Variants in TMEM132D observed in about 807,000 individuals in gnomAD.
The protein encoded by TMEM132D is mature OL transmembrane protein.
In TMEM132D, 21 loss-of-function variants were observed where a neutral mutation model predicts 62.3. The ratio of observed to expected loss-of-function variants is 0.34; its 90% CI spans 0.24 to 0.49. TMEM132D has a LOEUF of 0.49. Among genes scored for constraint, TMEM132D ranks in the 20% least tolerant of loss-of-function variants. The pLI, the probability that TMEM132D is intolerant of heterozygous loss-of-function variation, is 0.99. For missense variants in TMEM132D, 1,346 were observed against 1,402.8 expected (o/e 0.96, Z 0.65); for synonymous variants, 621 against 575.6 (o/e 1.08, Z -1.13).
chr12:129,622,037 C>T (rs1565926245), intron 2 of TMEM132D, among the ~76,000 whole-genome samples: 1 of 152,194 alleles, frequency 6.6e-6, no homozygotes, highest in Non-Finnish European at 1.5e-5. Flanking sequence ...GTTACCCAGT[C>T]TCAGTGAGGC....
intron 4 of TMEM132D, among the ~76,000 whole-genome samples, chr12:129,275,785 A>G (rs111817749): frequency 0.013 from 1,997 of 152,314 alleles, 42 homozygotes; most frequent in African/African-American, 0.046. Flanking sequence ...TGTCCCAGAA[A>G]AAATAAAGAA....
At chr12:129,411,630 C>T (rs890188646) in intron 3 of TMEM132D, among the ~76,000 whole-genome samples, 3 of 152,116 alleles carry the variant, frequency 2.0e-5, no homozygotes, top group Non-Finnish European at 4.4e-5. Context: ...ATTGGGATTA[C>T]AGGTGTAAGC....
intron 5 of TMEM132D, among the ~76,000 whole-genome samples, chr12:129,145,631 G>A (rs1876873810): frequency 6.6e-6 from 1 of 152,002 alleles, no homozygotes; most frequent in Admixed American, 6.6e-5. Flanking sequence ...ATTTCCATCT[G>A]GATGTCCCCA....
intron 4 of TMEM132D, among the ~76,000 whole-genome samples, chr12:129,308,162 C>T (rs1309739628): frequency 6.6e-6 from 1 of 152,138 alleles, no homozygotes; most frequent in Non-Finnish European, 1.5e-5. Context: ...TCCTCTTTAC[C>T]TAATCTTTAA....
chr12:129,300,537 G>A (rs577303905), intron 4 of TMEM132D, among the ~76,000 whole-genome samples: 14 of 152,274 alleles, frequency 9.2e-5, no homozygotes, highest in South Asian at 2.1e-4. Flanking sequence ...ACTATTTTTC[G>A]TTTTGGGAGG....
chr12:129,390,555 A>G (rs1871263668), intron 3 of TMEM132D, among the ~76,000 whole-genome samples: 1 of 152,148 alleles, frequency 6.6e-6, no homozygotes, highest in South Asian at 2.1e-4. Context: ...ATAAAGAAGA[A>G]CTGAGTGCTT....
chr12:129,590,124 T>C (rs1214926269), intron 2 of TMEM132D, among the ~76,000 whole-genome samples: 2 of 152,030 alleles, frequency 1.3e-5, no homozygotes, highest in Admixed American at 1.3e-4. Context: ...ATATTTTGAA[T>C]TTTTTTCATT....
rs142656165 is a variant in TMEM132D, at chr12:129,875,596, C to T, written c.79+27665G>A. Among the ~76,000 whole-genome samples the T allele has an allele frequency of 3.1e-3, 468 of 152,244 alleles. 2 individuals are homozygous for T. The highest frequency in any genetic ancestry group is 0.011 in the African/African-American group (450 of 41,568). ...GGGAGACACACGGACATCCAGCAGG[C>T]ATGGCGGGGAAGAGAGGCGTGGCCT... On this transcript the variant is annotated intron_variant, in intron 1 of 8. Transcript: ENST00000422113.
chr12:129,096,653 C>A (rs1565962797), intron 5 of TMEM132D, among the ~76,000 whole-genome samples: 1 of 152,168 alleles, frequency 6.6e-6, no homozygotes, highest in African/African-American at 2.4e-5. Context: ...AGTGACAGTG[C>A]TTTCTGGAAG....
At position 129,618,816 on chromosome 12, in the gene TMEM132D, G is replaced by C. The variant is rs575530474; in HGVS notation, c.968+80994C>G. 2.4e-4 allele frequency among the ~76,000 whole-genome samples: 36 copies of C among 152,214 alleles called. 1 individual carries two copies. The highest frequency in any genetic ancestry group is 8.4e-4 in the African/African-American group (35 of 41,502). ...CAGGAGGTCCTGACATGTGCCCAAG[G>C]CGGTTGGGTACAGCTTGCTTTTATA... On this transcript the variant is annotated intron_variant, in intron 2 of 8. Coordinates refer to ENST00000422113, the MANE Select transcript of TMEM132D (RefSeq NM_133448.3).
intron 1 of TMEM132D, among the ~76,000 whole-genome samples, chr12:129,729,581 G>C (rs4237839): frequency 1 from 152,225 of 152,250 alleles, 76,100 homozygotes; most frequent in Non-Finnish European, 1. Context: ...CTCTGAGTCT[G>C]CGACATCTGC....
chr12:129,726,265 G>A (rs1358855074), intron 1 of TMEM132D, among the ~76,000 whole-genome samples: 1 of 152,130 alleles, frequency 6.6e-6, no homozygotes, highest in Non-Finnish European at 1.5e-5. Flanking sequence ...GGCCCCAGGA[G>A]TCCTTCCAAT....
At chr12:129,242,902 T>A (rs1473913383) in intron 4 of TMEM132D, among the ~76,000 whole-genome samples, 1 of 89,874 alleles carries the variant, frequency 1.1e-5, no homozygotes, top group Non-Finnish European at 2.7e-5. Context: ...AACAACAGGC[T>A]TGAGGACGGT....
Position 129,750,719 on chromosome 12 carries a change from C to T in TMEM132D, c.80-50021G>A, listed in dbSNP as rs116389876. ...GGAAAGCTGGGAAGGGGTTGGTCAG[C>T]GGGTACAAAGGTATAGTACTAGAGG... On this transcript the variant is annotated intron_variant, in intron 1 of 8. Coordinates refer to ENST00000422113, the MANE Select transcript of TMEM132D (RefSeq NM_133448.3). 1.7e-3 allele frequency among the ~76,000 whole-genome samples: 254 copies of T among 152,100 alleles called. 1 individual carries two copies. Among genetic ancestry groups the T allele is most frequent in the African/African-American group, 5.2e-3 (215 of 41,468 alleles).
intron 2 of TMEM132D, among the ~76,000 whole-genome samples, chr12:129,582,036 G>A (rs886097467): frequency 6.6e-6 from 1 of 152,190 alleles, no homozygotes; most frequent in Non-Finnish European, 1.5e-5. Context: ...GTACAGACGG[G>A]AGGGTCAGTA....
intron 5 of TMEM132D, among the ~76,000 whole-genome samples, chr12:129,108,766 GATTA>G (rs917669507): frequency 5.3e-5 from 8 of 152,288 alleles, no homozygotes; most frequent in East Asian, 1.9e-4. Context: ...TCAATATTTT[GATTA>G]ATTGTTTGAA....
chr12:129,872,915 G>A (rs1874299505), intron 1 of TMEM132D, among the ~76,000 whole-genome samples: 1 of 152,094 alleles, frequency 6.6e-6, no homozygotes, highest in African/African-American at 2.4e-5. Context: ...GGCAGATGAA[G>A]AAAGAGAAGC....
chr12:129,838,399 A>G (rs1197164914), intron 1 of TMEM132D, among the ~76,000 whole-genome samples: 1 of 152,240 alleles, frequency 6.6e-6, no homozygotes, highest in Non-Finnish European at 1.5e-5. Context: ...AGAGAGAGAC[A>G]AAACATTTAT....
At chr12:129,209,756 A>G in intron 4 of TMEM132D, 93 bp from the exon 5 acceptor site, 1 of 1,538,748 alleles carries the variant, frequency 6.5e-7, no homozygotes, top group East Asian at 2.3e-5. Context: ...GCCTCCCTGC[A>G]AACAGCACTG....
Sources: gnomAD v4.1 joint callset for allele counts (sites outside exome capture counted in the v4.1 genomes callset) on GRCh38, gnomAD v4.1.1 for gene constraint, MANE v1.5 for transcripts, NCBI Gene and HGNC (gene_info 2026-07-23, HGNC 2026-07-21) for gene names.